Variants in DLG2 observed in about 807,000 individuals in gnomAD.
DLG2 encodes the protein discs large MAGUK scaffold protein 2.
Under a neutral mutation model 132.5 loss-of-function variants are expected in DLG2, and 45 were observed. The ratio of observed to expected loss-of-function variants is 0.34; its 90% CI spans 0.27 to 0.44. The LOEUF (loss-of-function observed/expected upper bound fraction) is 0.44, where lower values mean the gene tolerates loss of function less well. Among genes scored for constraint, DLG2 ranks in the 20% least tolerant of loss-of-function variants. DLG2 has a pLI of 1.00. For missense variants in DLG2, 1,045 were observed against 1,196.9 expected, an observed-to-expected ratio of 0.87 and a Z score of 1.87; for synonymous variants, 424 against 419.6, an observed-to-expected ratio of 1.01 and a Z score of -0.13.
intron 3 of DLG2, among the ~76,000 whole-genome samples, chr11:85,583,114 GTGTGTGTGTGTGTGTGTATA>G (rs2078684085): frequency 1.1e-4 from 6 of 54,820 alleles, no homozygotes; most frequent in East Asian, 6.5e-4. Context: ...GTGTGTGTGT[GTGTGTGTGTGTGTGTGTATA>G]TATATATATA....
rs556691606 is a variant in DLG2 at position 84,617,238 on chromosome 11, G to C, written c.358-82507C>G. Among the ~76,000 whole-genome samples, 15 of 150,826 alleles carry C rather than the reference G, an allele frequency of 9.9e-5. 1 individual carries two copies. The East Asian group carries it at 2.7e-3, about 28-fold the overall frequency. Reference sequence around the variant, plus strand: ...TTATGAGTGAGGACATGCAGTATTTGGTTTTCTGTTCCTGTGTTAGTTTGC... The same window carrying C: ...TTATGAGTGAGGACATGCAGTATTTCGTTTTCTGTTCCTGTGTTAGTTTGC... On this transcript the variant is annotated intron_variant, in intron 6 of 27. Transcript: ENST00000376104.
intron 3 of DLG2, among the ~76,000 whole-genome samples, chr11:85,566,378 T>C (rs550336498): frequency 1.6e-4 from 24 of 152,240 alleles, no homozygotes; most frequent in African/African-American, 4.8e-4. Context: ...TTTGGTGTCA[T>C]AGTTAAGAAA....
intron 10 of DLG2, among the ~76,000 whole-genome samples, chr11:84,066,768 G>GC (rs2096680169): frequency 6.6e-6 from 1 of 151,752 alleles, no homozygotes; most frequent in Admixed American, 6.6e-5. Context: ...TCTAAAAAAA[G>GC]AAAAAAAGTA....
At chr11:84,486,907 A>G (rs963763173) in intron 7 of DLG2, among the ~76,000 whole-genome samples, 7 of 152,174 alleles carry the variant, frequency 4.6e-5, no homozygotes, top group African/African-American at 1.7e-4. Flanking sequence ...AATTGAAGAT[A>G]TAATGCATGT....
intron 6 of DLG2, among the ~76,000 whole-genome samples, chr11:84,678,426 T>C (rs2099720505): frequency 6.6e-6 from 1 of 151,978 alleles, no homozygotes; most frequent in Non-Finnish European, 1.5e-5. Flanking sequence ...AAGGAAGTAG[T>C]ATATGGAGGT....
At chr11:85,350,698 TG>T (rs2083221070) in intron 3 of DLG2, among the ~76,000 whole-genome samples, 1 of 152,232 alleles carries the variant, frequency 6.6e-6, no homozygotes, top group African/African-American at 2.4e-5. Flanking sequence ...TTGTCAGGCT[TG>T]TCAAAGATCA....
intron 2 of DLG2, among the ~76,000 whole-genome samples, chr11:85,599,349 T>G (rs961651671): frequency 6.2e-5 from 8 of 128,024 alleles, no homozygotes; most frequent in Non-Finnish European, 1.1e-4. Context: ...CCTCTCTCTT[T>G]CTCTCTCTCT....
At chr11:84,514,094 T>C (rs1191428639) in intron 7 of DLG2, among the ~76,000 whole-genome samples, 5 of 152,096 alleles carry the variant, frequency 3.3e-5, no homozygotes, top group African/African-American at 1.2e-4. Flanking sequence ...GGAAACGTGC[T>C]CAACATCACC....
intron 17 of DLG2, among the ~76,000 whole-genome samples, chr11:83,801,043 C>T (rs184088624): frequency 3.3e-5 from 5 of 152,228 alleles, no homozygotes; most frequent in African/African-American, 1.2e-4. Context: ...CAAAATTTCT[C>T]CCAAACATGT....
chr11:85,048,406 C>A (rs1441923201), intron 6 of DLG2, among the ~76,000 whole-genome samples: 1 of 151,916 alleles, frequency 6.6e-6, no homozygotes. Context: ...CACTTACTAT[C>A]GTGGTACTCT....
intron 6 of DLG2, among the ~76,000 whole-genome samples, chr11:84,567,125 A>G (rs1328473703): frequency 6.6e-6 from 1 of 152,136 alleles, no homozygotes; most frequent in African/African-American, 2.4e-5. Flanking sequence ...AAGTCTTGCT[A>G]TGGGGTATAA....
chr11:85,060,702 G>A (rs988965684), intron 6 of DLG2, among the ~76,000 whole-genome samples: 1 of 151,658 alleles, frequency 6.6e-6, no homozygotes, highest in African/African-American at 2.4e-5. Context: ...ACACAGACGT[G>A]AGATTGGTGG....
intron 18 of DLG2, among the ~76,000 whole-genome samples, chr11:83,648,621 T>A (rs907453533): frequency 1.3e-5 from 2 of 152,062 alleles, no homozygotes; most frequent in African/African-American, 4.8e-5. Flanking sequence ...CCTACATTCA[T>A]GGGAAGGGAT....
chr11:83,997,679 C>T (rs1026003689), intron 11 of DLG2, among the ~76,000 whole-genome samples: 20 of 125,522 alleles, frequency 1.6e-4, no homozygotes, highest in Middle Eastern at 6.3e-3. Context: ...TGCAGTGAGC[C>T]GAGATGGTGC....
intron 11 of DLG2, among the ~76,000 whole-genome samples, chr11:84,024,068 G>A (rs975936937): frequency 1.3e-5 from 2 of 152,030 alleles, no homozygotes; most frequent in African/African-American, 4.8e-5. Flanking sequence ...AGTTTTGGGG[G>A]AATCAAAAGT....
intron 18 of DLG2, among the ~76,000 whole-genome samples, chr11:83,706,789 A>G (rs1004173235): frequency 1.3e-5 from 2 of 152,184 alleles, no homozygotes; most frequent in Non-Finnish European, 2.9e-5. Context: ...TAGAAAGCAG[A>G]GAGAGGCGTG....
At chr11:85,443,847 G>A (rs760163804) in intron 3 of DLG2, among the ~76,000 whole-genome samples, 1 of 152,126 alleles carries the variant, frequency 6.6e-6, no homozygotes, top group African/African-American at 2.4e-5. Context: ...TTATCAAGCT[G>A]TTCTTTGGTG....
intron 9 of DLG2, among the ~76,000 whole-genome samples, chr11:84,105,418 T>C (rs1022336779): frequency 2.6e-5 from 4 of 152,106 alleles, no homozygotes; most frequent in African/African-American, 9.7e-5. Context: ...GCACAGCACA[T>C]GGGTGATGAT....
At chr11:83,735,468 C>G (rs2091775216) in intron 18 of DLG2, among the ~76,000 whole-genome samples, 1 of 152,088 alleles carries the variant, frequency 6.6e-6, no homozygotes, top group Admixed American at 6.6e-5. Context: ...TTGTTAAATC[C>G]TACTATTCCT....
Sources: allele counts gnomAD v4.1 joint callset (sites outside exome capture counted in the v4.1 genomes callset), GRCh38; gene constraint gnomAD v4.1.1; transcripts MANE v1.5; gene names NCBI Gene and HGNC (gene_info 2026-07-23, HGNC 2026-07-21).